The following DMD variants were observed in gnomAD, a reference collection of about 807,000 sequenced individuals.
The protein encoded by DMD is mutant dystrophin.
In DMD, 63 loss-of-function variants were observed where a neutral mutation model predicts 330.1. That is an observed-to-expected ratio of 0.19 (90% confidence interval 0.16 to 0.24). The LOEUF is 0.24. Ranked by LOEUF, DMD falls within the 10% of genes least tolerant of loss-of-function variation. The pLI is 1.00. For synonymous variants in DMD, 1,223 were observed against 959.8 expected (o/e 1.27, Z -5.07); for missense variants, 3,344 against 2,684.1 (o/e 1.25, Z -5.43).
rs190386245 is a variant in DMD at position 31,288,854 on chromosome X, G to C, written c.9225-27838C>G. 4.5e-5 allele frequency among the ~76,000 whole-genome samples: 5 copies of C among 111,881 alleles called. No homozygotes were observed. The East Asian group carries it at 1.4e-3, about 31-fold the overall frequency. On this transcript the variant is annotated intron_variant, in intron 62 of 78. Coordinates refer to ENST00000357033, the MANE Select transcript of DMD (RefSeq NM_004006.3). Reference sequence around the variant, plus strand: ...AGTGCTGCTCTCAGTCATTCAATTAGTTTATGATTTTCAATAAATGAATAA... The same window carrying C: ...AGTGCTGCTCTCAGTCATTCAATTACTTTATGATTTTCAATAAATGAATAA...
intron 60 of DMD, among the ~76,000 whole-genome samples, chrX:31,420,479 C>G (rs915074030): frequency 1.6e-4 from 18 of 112,508 alleles, no homozygotes; most frequent in African/African-American, 5.8e-4. Flanking sequence ...ATTACCTCTA[C>G]AAGTAGGAAG....
At chrX:31,792,229 T>G (rs968970801) in intron 50 of DMD, among the ~76,000 whole-genome samples, 4 of 112,060 alleles carry the variant, frequency 3.6e-5, no homozygotes, top group Non-Finnish European at 7.5e-5. Flanking sequence ...AAGCAATATT[T>G]TATCACTTCA....
At chrX:31,341,891 G>GCGCGCGCGCGCGCACACACACACA (rs374298104) in intron 61 of DMD, among the ~76,000 whole-genome samples, 17 of 98,887 alleles carry the variant, frequency 1.7e-4, no homozygotes, top group African/African-American at 4.4e-4. Flanking sequence ...GTGCGCGCGC[G>GCGCGCGCGCGCGCACACACACACA]CACACACACA....
At position 31,184,097 on chromosome X, in the gene DMD, T is replaced by C. The variant is rs5972330; in HGVS notation, c.9808-1193A>G. Among the ~76,000 whole-genome samples, 939 of 110,695 alleles carry C rather than the reference T, an allele frequency of 8.5e-3. 14 individuals carry two copies. Among genetic ancestry groups the C allele is most frequent in the African/African-American group, 0.029 (887 of 30,388 alleles). ...CTACTTTTTGTATTTTTAGTAGAGA[T>C]GGGGTTTCACCATGTTGACTAGGCA... On this transcript the variant is annotated intron_variant, in intron 67 of 78. Transcript: ENST00000357033.
intron 39 of DMD, 46 bp downstream of exon 39, chrX:32,345,897 A>T (rs1275084196): frequency 4.3e-6 from 5 of 1,155,647 alleles, no homozygotes; most frequent in East Asian, 6.1e-5. Flanking sequence ...CCTATATATT[A>T]AAAAAAAACC....
intron 60 of DMD, among the ~76,000 whole-genome samples, chrX:31,371,378 T>C (rs776869323): frequency 4.5e-5 from 5 of 111,774 alleles, no homozygotes; most frequent in Non-Finnish European, 3.8e-5. Flanking sequence ...TGAAGCAATA[T>C]ACCAATAGTT....
At chrX:32,932,494 T>C (rs1444231771) in intron 2 of DMD, among the ~76,000 whole-genome samples, 2 of 111,775 alleles carry the variant, frequency 1.8e-5, no homozygotes, top group Non-Finnish European at 3.8e-5. Context: ...CAATAGGTTA[T>C]AGCCATATAG....
chrX:31,729,705 T>C lies in DMD; in HGVS notation c.7586A>G (p.Glu2529Gly). ...DLEQRRPQLE[E>G]LITAAQNLKN... The stretch of plus-strand genomic sequence containing the variant: ...CAAATTTTGGGCAGCGGTAATGAGT[T>C]CTTCCAACTGGGGACGCCTCTGTTC... The change falls in exon 52 of 79, where the codon GAA (glutamate) becomes GGA (glycine). Residue 2529 changes from glutamate (E) to glycine (G), a missense_variant. Coordinates refer to ENST00000357033, the MANE Select transcript of DMD (RefSeq NM_004006.3). 1 of 1,211,822 alleles carries C rather than the reference T, an allele frequency of 8.3e-7. No homozygotes were observed. The highest frequency in any genetic ancestry group is 1.1e-6 in the Non-Finnish European group (1 of 895,484).
chrX:31,449,763 GATATATATATATATATAT>G lies in DMD; in HGVS notation c.8938-5154_8938-5137del, dbSNP rs59787771. Among the ~76,000 whole-genome samples, 502 of 62,471 alleles carry G rather than the reference GATATATATATATATATAT, an allele frequency of 8.0e-3. 9 individuals carry two copies. Among genetic ancestry groups the G allele is most frequent in the African/African-American group, 0.025 (467 of 18,490 alleles). 54.2% of individuals were successfully genotyped at this position (62,471 alleles called of 115,157 possible). A position where few individuals can be genotyped will look rare whatever the true frequency, so the allele number is the denominator to read the frequency against. ...TTATGAGTTTATTTATAAATGGTGT[GATATATATATATATATAT>G]ATATATATATATATATAGATAGATA... On this transcript the variant is annotated intron_variant, in intron 59 of 78. Coordinates refer to ENST00000357033, the MANE Select transcript of DMD (RefSeq NM_004006.3).
chrX:31,187,822 A>G (rs1222207682), intron 67 of DMD, among the ~76,000 whole-genome samples: 3 of 106,415 alleles, frequency 2.8e-5, no homozygotes, highest in Non-Finnish European at 5.8e-5. Flanking sequence ...GGGCGATTTA[A>G]TAACAGTTTT....
chrX:32,953,754 G>GC (rs1307365942), intron 2 of DMD, among the ~76,000 whole-genome samples: 1 of 112,265 alleles, frequency 8.9e-6, no homozygotes, highest in Non-Finnish European at 1.9e-5. Context: ...AAGACAGTAT[G>GC]CTATCATGAG....
At chrX:32,510,527 C>A (rs1212870281) in intron 18 of DMD, among the ~76,000 whole-genome samples, 1 of 111,760 alleles carries the variant, frequency 8.9e-6, no homozygotes, top group Non-Finnish European at 1.9e-5. Context: ...GGTCAGGTAT[C>A]CTTATCTATA....
At chrX:32,570,067 A>T (rs1196323675) in intron 15 of DMD, among the ~76,000 whole-genome samples, 1 of 111,791 alleles carries the variant, frequency 8.9e-6, no homozygotes, top group Non-Finnish European at 1.9e-5. Flanking sequence ...AAAGATCTAG[A>T]GCAAATTAAA....
intron 51 of DMD, among the ~76,000 whole-genome samples, chrX:31,763,850 TTTTA>T (rs2089805161): frequency 9.7e-6 from 1 of 102,878 alleles, no homozygotes; most frequent in Non-Finnish European, 2.1e-5. Flanking sequence ...ATATCCTCAT[TTTTA>T]TTTATTTATT....
chrX:33,279,016 G>T (rs922573535), intron 1 of DMD, among the ~76,000 whole-genome samples: 3 of 111,071 alleles, frequency 2.7e-5, no homozygotes, highest in African/African-American at 9.8e-5. Flanking sequence ...CGATCACTGA[G>T]GCAGAAAACT....
chrX:31,794,878 C>G (rs957769887), intron 50 of DMD, among the ~76,000 whole-genome samples: 2 of 111,408 alleles, frequency 1.8e-5, no homozygotes, highest in African/African-American at 6.5e-5. Context: ...TTAGGAAGAG[C>G]CTCCCAATGT....
chrX:32,343,194 C>T lies in DMD; in HGVS notation c.5679G>A (p.Leu1893=). 3 of 1,209,589 alleles carry T rather than the reference C, an allele frequency of 2.5e-6. No homozygotes were observed. The highest frequency in any genetic ancestry group is 3.4e-6 in the Non-Finnish European group (3 of 894,179). Residue 1893 remains leucine, a synonymous_variant, in exon 40 of 79, where the codon TTG becomes TTA. Coordinates refer to ENST00000357033, the MANE Select transcript of DMD (RefSeq NM_004006.3). The stretch of plus-strand genomic sequence containing the variant: ...TGGCTAATTTTTTTTCAATGTCATC[C>T]AAGCATTTCAGGAGATCATCAGCCT... The part of the protein sequence containing the change: ...KRQADDLLKC[L]DDIEKKLASL...
intron 52 of DMD, among the ~76,000 whole-genome samples, chrX:31,683,746 T>C (rs1431243708): frequency 1.8e-5 from 2 of 112,097 alleles, no homozygotes; most frequent in African/African-American, 6.5e-5. Flanking sequence ...TGTACTTTTA[T>C]AGAACATGGA....
intron 61 of DMD, among the ~76,000 whole-genome samples, chrX:31,339,347 G>T (rs1016542980): frequency 7.2e-5 from 8 of 111,406 alleles, no homozygotes; most frequent in Admixed American, 1.9e-4. Flanking sequence ...GCTTTTTATG[G>T]GCATTGGAAA....
Sources: allele counts gnomAD v4.1 joint callset (sites outside exome capture counted in the v4.1 genomes callset), GRCh38; gene constraint gnomAD v4.1.1; transcripts MANE v1.5; gene names NCBI Gene and HGNC (gene_info 2026-07-23, HGNC 2026-07-21).